L2HGDH: variants seen among roughly 807,000 people sequenced by gnomAD.
The protein encoded by L2HGDH is L-2-hydroxyglutarate dehydrogenase.
In L2HGDH, 34 loss-of-function variants were observed where a neutral mutation model predicts 51.5. The observed-to-expected ratio is 0.66, with a 90% CI of 0.50 to 0.88. The LOEUF (loss-of-function observed/expected upper bound fraction) is 0.88, where lower values mean the gene tolerates loss of function less well. Among genes scored for constraint, L2HGDH ranks in the 40% least tolerant of loss-of-function variants. The pLI, the probability that L2HGDH is intolerant of heterozygous loss-of-function variation, is 0.00. For synonymous variants in L2HGDH, 198 were observed against 197.9 expected (o/e 1.00, Z -0.01); for missense variants, 558 against 571.9 (o/e 0.98, Z 0.25).
At chr14:50,306,600 G>T (rs1188988589) in intron 1 of L2HGDH, among the ~76,000 whole-genome samples, 16 of 133,212 alleles carry the variant, frequency 1.2e-4, no homozygotes, top group East Asian at 2.2e-4. Context: ...TTGTTTTGGG[G>T]TTTTTTTTTT....
intron 9 of L2HGDH, among the ~76,000 whole-genome samples, chr14:50,247,549 A>C (rs1377716460): frequency 6.6e-6 from 1 of 152,202 alleles, no homozygotes; most frequent in Non-Finnish European, 1.5e-5. Flanking sequence ...TAGTAGGTAA[A>C]TCCACACTTA....
chr14:50,308,024 T>C (rs2030829907), intron 1 of L2HGDH, among the ~76,000 whole-genome samples: 1 of 151,984 alleles, frequency 6.6e-6, no homozygotes, highest in African/African-American at 2.4e-5. Context: ...ACTAAGAAAT[T>C]GGAAAAAAAT....
In L2HGDH at chr14:50,243,303, T is replaced by A; in HGVS notation, c.*3755A>T. 1 of 985,384 alleles carries A rather than the reference T, an allele frequency of 1.0e-6. No homozygotes were observed. The highest frequency in any genetic ancestry group is 1.2e-6 in the Non-Finnish European group (1 of 829,878). 61.0% of individuals were successfully genotyped at this position (985,384 alleles called of 1,614,324 possible). On this transcript the variant is annotated 3_prime_UTR_variant, in exon 10 of 10. Coordinates refer to ENST00000267436, the MANE Select transcript of L2HGDH (RefSeq NM_024884.3). ...TTAAAATCTAAAATGCTCCACTTTT[T>A]ACCCAAAATATAAATGACTCAACCT...
Position 50,243,028 on chromosome 14 carries a change from T to C in L2HGDH, c.*4030A>G. 2.0e-6 allele frequency: 2 copies of C among 985,412 alleles called. No individual in the cohort carries two copies. Among genetic ancestry groups the C allele is most frequent in the Non-Finnish European group, 2.4e-6 (2 of 829,944 alleles). 61.0% of individuals were successfully genotyped at this position (985,412 alleles called of 1,614,324 possible). On this transcript the variant is annotated 3_prime_UTR_variant, in exon 10 of 10. Transcript: ENST00000267436. The stretch of plus-strand genomic sequence containing the variant: ...GCAGTATACCCCATTCTCACCACCA[T>C]CCTTTGAAGAAAGTTCTAAGAGTTA...
chr14:50,242,639 TGAAAACATCTC>T lies in L2HGDH; in HGVS notation c.*4408_*4418del. The T allele has an allele frequency of 1.0e-6, 1 of 985,434 alleles. No individual in the cohort carries two copies. Among genetic ancestry groups the T allele is most frequent in the Non-Finnish European group, 1.2e-6 (1 of 829,914 alleles). 61.0% of individuals were successfully genotyped at this position (985,434 alleles called of 1,614,324 possible). On this transcript the variant is annotated 3_prime_UTR_variant, in exon 10 of 10. Transcript: ENST00000267436. The stretch of plus-strand genomic sequence containing the variant: ...AGCTATTTAATGAGTACAAACTATT[TGAAAACATCTC>T]GAGGCAGCTTTTGCTTTCCCAACCA...
chr14:50,310,278 C>T (rs2031021353), intron 1 of L2HGDH, among the ~76,000 whole-genome samples: 1 of 151,792 alleles, frequency 6.6e-6, no homozygotes, highest in Admixed American at 6.6e-5. Flanking sequence ...ATATTTTGCC[C>T]AGGCTGGTCT....
rs1197701995 is a variant in L2HGDH, at chr14:50,312,168, C to T, written c.-18G>A. On this transcript the variant is annotated 5_prime_UTR_variant, in exon 1 of 10. Coordinates refer to ENST00000267436, the MANE Select transcript of L2HGDH (RefSeq NM_024884.3). ...GGCACCATCCCCTACGCACGCTCCCCTCCCTCAGCGCTCAGAAGAAGCCAC... is the reference window on the plus strand; with the variant it reads ...GGCACCATCCCCTACGCACGCTCCCTTCCCTCAGCGCTCAGAAGAAGCCAC... 1.2e-6 allele frequency: 2 copies of T among 1,608,344 alleles called. No homozygotes were observed. The highest frequency in any genetic ancestry group is 1.3e-5 in the African/African-American group (1 of 74,906).
chr14:50,292,929 T>A (rs1354251681), intron 4 of L2HGDH, among the ~76,000 whole-genome samples: 1 of 151,532 alleles, frequency 6.6e-6, no homozygotes, highest in East Asian at 1.9e-4. Flanking sequence ...CTATAGCTCA[T>A]GCTTGTATTC....
Position 50,246,739 on chromosome 14 carries a change from A to G in L2HGDH, c.*319T>C, listed in dbSNP as rs1184241056. On this transcript the variant is annotated 3_prime_UTR_variant, in exon 10 of 10. Transcript: ENST00000267436. ...GCCTAACATTTTGAAAATTATTATT[A>G]TTATTATTTTCTTGCTCTGTCACCC... 1 of 198,520 alleles carries G rather than the reference A, an allele frequency of 5.0e-6. No homozygotes were observed. Among genetic ancestry groups the G allele is most frequent in the Non-Finnish European group, 1.0e-5 (1 of 97,250 alleles). The allele number at this position is 198,520 out of a possible 1,614,324, so 12.3% of individuals were successfully genotyped here.
At position 50,295,046 on chromosome 14, in the gene L2HGDH, A is replaced by G. The variant is rs553763811; in HGVS notation, c.409-800T>C. Among the ~76,000 whole-genome samples, 3 of 152,350 alleles carry G rather than the reference A, an allele frequency of 2.0e-5. No homozygotes were observed. The South Asian group carries it at 6.2e-4, about 32-fold the overall frequency. ...GTGGAATCAAAGGACTCTATCAAGT[A>G]AGTGAAAAGACAACCCACACAATGA... On this transcript the variant is annotated intron_variant, in intron 3 of 9. Coordinates refer to ENST00000267436, the MANE Select transcript of L2HGDH (RefSeq NM_024884.3).
intron 9 of L2HGDH, among the ~76,000 whole-genome samples, chr14:50,247,892 GTCTT>G (rs1229833652): frequency 1.3e-5 from 2 of 151,874 alleles, no homozygotes; most frequent in Non-Finnish European, 2.9e-5. Flanking sequence ...TAAAATGAGA[GTCTT>G]TTTTTTTTTA....
At chr14:50,305,955 A>AT (rs1331928528) in intron 1 of L2HGDH, among the ~76,000 whole-genome samples, 2 of 151,438 alleles carry the variant, frequency 1.3e-5, no homozygotes, top group African/African-American at 2.4e-5. Context: ...AAATTGTGTT[A>AT]TTTTTTACTG....
intron 7 of L2HGDH, 48 bp downstream of exon 7, chr14:50,269,115 C>A: frequency 5.5e-6 from 8 of 1,448,126 alleles, no homozygotes; most frequent in East Asian, 2.4e-5. Context: ...TCCTTTATGA[C>A]CACCACCTGC....
At chr14:50,257,678 T>C (rs1888751804) in intron 9 of L2HGDH, among the ~76,000 whole-genome samples, 1 of 152,040 alleles carries the variant, frequency 6.6e-6, no homozygotes, top group Non-Finnish European at 1.5e-5. Context: ...GCCTGAGTTT[T>C]AAAATTTAAA....
intron 2 of L2HGDH, among the ~76,000 whole-genome samples, chr14:50,302,573 C>T (rs1019277070): frequency 6.6e-6 from 1 of 152,206 alleles, no homozygotes; most frequent in Non-Finnish European, 1.5e-5. Flanking sequence ...TACTACATTG[C>T]TCCTCAGAGG....
intron 9 of L2HGDH, 109 bp downstream of exon 9, chr14:50,265,249 C>T: frequency 1.1e-6 from 1 of 902,124 alleles, no homozygotes. Context: ...AAATTCAGTG[C>T]ATATGCAGAC....
At chr14:50,286,756 T>C (rs1040421476) in intron 4 of L2HGDH, among the ~76,000 whole-genome samples, 1 of 152,222 alleles carries the variant, frequency 6.6e-6, no homozygotes, top group Admixed American at 6.5e-5. Flanking sequence ...GCCTCTTTTG[T>C]AAGTTATTTT....
At chr14:50,263,159 TGCTCA>T (rs763952556) in intron 9 of L2HGDH, among the ~76,000 whole-genome samples, 8 of 152,378 alleles carry the variant, frequency 5.3e-5, no homozygotes, top group Admixed American at 1.3e-4. Flanking sequence ...GAATTCACTA[TGCTCA>T]CCTCGTTTGT....
intron 6 of L2HGDH, among the ~76,000 whole-genome samples, chr14:50,277,044 A>G (rs776392823): frequency 3.3e-5 from 5 of 152,216 alleles, no homozygotes; most frequent in African/African-American, 4.8e-5. Flanking sequence ...CCGAGGAGTA[A>G]AATTGCCTCT....
Sources: allele counts gnomAD v4.1 joint callset (sites outside exome capture counted in the v4.1 genomes callset), GRCh38; gene constraint gnomAD v4.1.1; transcripts MANE v1.5; gene names NCBI Gene and HGNC (gene_info 2026-07-23, HGNC 2026-07-21).